The following FHIT variants were observed in gnomAD, a reference collection of about 807,000 sequenced individuals.
FHIT encodes bis(5'-adenosyl)-triphosphatase.
Under a neutral mutation model 17.9 loss-of-function variants are expected in FHIT, and 19 were observed. The observed-to-expected ratio is 1.06, with a 90% CI of 0.74 to 1.56. The LOEUF is 1.56. Among genes scored for constraint, FHIT ranks in the 40% most tolerant of loss-of-function variants. The pLI, the probability that FHIT is intolerant of heterozygous loss-of-function variation, is 0.00. For synonymous variants in FHIT, 81 were observed against 69.7 expected (o/e 1.16, Z -0.81); for missense variants, 248 against 189.2 (o/e 1.31, Z -1.82).
chr3:60,763,710 G>T lies in FHIT; in HGVS notation c.-18+58209C>A, dbSNP rs557238879. On this transcript the variant is annotated intron_variant, in intron 4 of 9. Coordinates refer to ENST00000492590, the MANE Select transcript of FHIT (RefSeq NM_002012.4). Reference sequence around the variant, plus strand: ...GTGTGATCAGGTAACCCTTACATCAGGAAAAATGGGGTATGCACATTGCTC... The same window carrying T: ...GTGTGATCAGGTAACCCTTACATCATGAAAAATGGGGTATGCACATTGCTC... Among the ~76,000 whole-genome samples, 3 of 152,244 alleles carry T rather than the reference G, an allele frequency of 2.0e-5. No homozygotes were observed. The East Asian group carries it at 5.8e-4, about 29-fold the overall frequency.
intron 4 of FHIT, among the ~76,000 whole-genome samples, chr3:60,724,658 TTG>T (rs1436110029): frequency 0.018 from 2,576 of 141,184 alleles, 191 homozygotes; most frequent in African/African-American, 0.059. Flanking sequence ...TTTTTTTTTT[TTG>T]TTTTTTTTTT....
chr3:60,887,641 C>T (rs964787615), intron 3 of FHIT, among the ~76,000 whole-genome samples: 1 of 151,794 alleles, frequency 6.6e-6, no homozygotes, highest in Admixed American at 6.6e-5. Context: ...AGTGAAACTC[C>T]GTCCCAAAAC....
intron 5 of FHIT, among the ~76,000 whole-genome samples, chr3:60,473,765 A>G (rs1206344241): frequency 1.3e-5 from 2 of 152,052 alleles, no homozygotes; most frequent in Non-Finnish European, 2.9e-5. Context: ...CTAAAATACA[A>G]TAAAAATTAG....
At chr3:61,170,410 G>A (rs1203816789) in intron 2 of FHIT, among the ~76,000 whole-genome samples, 4 of 152,188 alleles carry the variant, frequency 2.6e-5, no homozygotes, top group Non-Finnish European at 4.4e-5. Context: ...GGGTACATAT[G>A]CAGGCTTGTT....
intron 7 of FHIT, among the ~76,000 whole-genome samples, chr3:59,961,226 A>G (rs1335875296): frequency 1.3e-5 from 2 of 152,152 alleles, no homozygotes; most frequent in Non-Finnish European, 2.9e-5. Context: ...TGGAACTGCT[A>G]GGCCGTTATG....
intron 3 of FHIT, among the ~76,000 whole-genome samples, chr3:60,864,974 G>C (rs1301375135): frequency 2.0e-5 from 3 of 151,898 alleles, no homozygotes; most frequent in Admixed American, 2.0e-4. Flanking sequence ...CAACCACAGA[G>C]ACACTGCTCA....
intron 4 of FHIT, among the ~76,000 whole-genome samples, chr3:60,569,030 T>G (rs2037243683): frequency 6.6e-6 from 1 of 151,932 alleles, no homozygotes; most frequent in Non-Finnish European, 1.5e-5. Flanking sequence ...CTTCTAAGGC[T>G]GATGAAAACA....
At chr3:60,785,934 C>CACACACACACACACAG (rs139392863) in intron 4 of FHIT, among the ~76,000 whole-genome samples, 2,295 of 137,578 alleles carry the variant, frequency 0.017, 55 homozygotes, top group African/African-American at 0.053. Flanking sequence ...CACACACACA[C>CACACACACACACACAG]AGAGAGAGTA....
At chr3:60,248,053 A>G (rs1482236409) in intron 5 of FHIT, among the ~76,000 whole-genome samples, 1 of 152,166 alleles carries the variant, frequency 6.6e-6, no homozygotes, top group Non-Finnish European at 1.5e-5. Flanking sequence ...TTACCAGGTT[A>G]GAGGAATGAC....
At chr3:60,073,019 GA>G (rs1009416462) in intron 5 of FHIT, among the ~76,000 whole-genome samples, 2 of 152,102 alleles carry the variant, frequency 1.3e-5, no homozygotes, top group African/African-American at 2.4e-5. Context: ...CATATTCATG[GA>G]AGAAAACCCC....
chr3:59,761,151 A>C (rs1559580622), intron 8 of FHIT, among the ~76,000 whole-genome samples: 1 of 152,212 alleles, frequency 6.6e-6, no homozygotes, highest in African/African-American at 2.4e-5. Flanking sequence ...CTGATATGTC[A>C]GACGAAAATC....
chr3:60,800,187 A>G (rs1701138542), intron 4 of FHIT, among the ~76,000 whole-genome samples: 1 of 152,140 alleles, frequency 6.6e-6, no homozygotes, highest in African/African-American at 2.4e-5. Flanking sequence ...GCCTTCTCAA[A>G]TATTTATTTC....
intron 7 of FHIT, among the ~76,000 whole-genome samples, chr3:59,974,230 T>G (rs896694350): frequency 6.6e-6 from 1 of 152,160 alleles, no homozygotes; most frequent in Non-Finnish European, 1.5e-5. Context: ...TGCTACACAG[T>G]GCCCAAGAGA....
chr3:60,241,762 G>A (rs527938099), intron 5 of FHIT, among the ~76,000 whole-genome samples: 1 of 152,192 alleles, frequency 6.6e-6, no homozygotes, highest in South Asian at 2.1e-4. Context: ...TGACTAGTAG[G>A]AGTTAGTTTA....
chr3:59,815,364 C>T (rs1700562104), intron 8 of FHIT, among the ~76,000 whole-genome samples: 1 of 152,118 alleles, frequency 6.6e-6, no homozygotes, highest in African/African-American at 2.4e-5. Flanking sequence ...TTTGATCCAG[C>T]AATCCCACTG....
intron 5 of FHIT, among the ~76,000 whole-genome samples, chr3:60,343,177 G>T (rs2106909637): frequency 6.6e-6 from 1 of 152,240 alleles, no homozygotes; most frequent in South Asian, 2.1e-4. Context: ...ATTGCCCTGT[G>T]TGAGGGTGCC....
At chr3:60,127,185 C>T (rs564079161) in intron 5 of FHIT, among the ~76,000 whole-genome samples, 4 of 152,114 alleles carry the variant, frequency 2.6e-5, no homozygotes, top group South Asian at 2.1e-4. Context: ...ACTCAGCCCA[C>T]GCAATGTTTT....
chr3:59,822,054 G>T (rs1283288340), intron 8 of FHIT, among the ~76,000 whole-genome samples: 1 of 152,116 alleles, frequency 6.6e-6, no homozygotes, highest in Non-Finnish European at 1.5e-5. Context: ...ACAATGTTTG[G>T]TTTTCTATTC....
chr3:60,873,171 ACACTAC>A (rs1553755470), intron 3 of FHIT, among the ~76,000 whole-genome samples: 1 of 151,734 alleles, frequency 6.6e-6, no homozygotes, highest in Non-Finnish European at 1.5e-5. Context: ...GTGAGAGATC[ACACTAC>A]CAGGAGCTTC....
Sources: gnomAD v4.1 joint callset for allele counts (sites outside exome capture counted in the v4.1 genomes callset) on GRCh38, gnomAD v4.1.1 for gene constraint, MANE v1.5 for transcripts, NCBI Gene and HGNC (gene_info 2026-07-23, HGNC 2026-07-21) for gene names.